TLE5: variants seen among roughly 807,000 people sequenced by gnomAD.
TLE5 encodes the protein TLE family member 5.
In TLE5, 7 loss-of-function variants were observed where a neutral mutation model predicts 25.8. The ratio of observed to expected loss-of-function variants is 0.27; its 90% CI spans 0.15 to 0.51. The LOEUF (loss-of-function observed/expected upper bound fraction) is 0.51. TLE5 is among the 20% of genes least tolerant of loss of function. The probability of loss-of-function intolerance (pLI) is 0.97; values close to 1 mark genes in which losing one functional copy is unlikely to be tolerated. For missense variants in TLE5, 149 were observed against 250.7 expected (o/e 0.59, Z 2.74); for synonymous variants, 132 against 110.5 (o/e 1.20, Z -1.22).
chr19:3,053,636 G>A lies in TLE5; in HGVS notation c.*183C>T. On this transcript the variant is annotated 3_prime_UTR_variant, in exon 7 of 7. Transcript: ENST00000327141. Reference sequence around the variant, plus strand: ...GGAGGAGGAGGGAAGCCGGGAATGGGGTAGGAAGAAAGCTAGAGGTGGCCT... The same window carrying A: ...GGAGGAGGAGGGAAGCCGGGAATGGAGTAGGAAGAAAGCTAGAGGTGGCCT... The A allele has an allele frequency of 3.1e-6, 2 of 645,094 alleles. No individual in the cohort carries two copies. The highest frequency in any genetic ancestry group is 5.3e-6 in the Non-Finnish European group (2 of 377,622). 40.0% of individuals were successfully genotyped at this position (645,094 alleles called of 1,614,324 possible). A position where few individuals can be genotyped will look rare whatever the true frequency, so the allele number is the denominator to read the frequency against.
chr19:3,057,778 G>A, intron 2 of TLE5, 36 bp from the exon 3 acceptor site: 1 of 1,601,990 alleles, frequency 6.2e-7, no homozygotes, highest in South Asian at 1.1e-5. Context: ...GGTGGTTAGT[G>A]GCGGCTGGGC....
intron 1 of TLE5, 62 bp from the exon 2 acceptor site, chr19:3,061,319 G>A (rs1286855820): frequency 3.7e-6 from 5 of 1,342,008 alleles, no homozygotes; most frequent in Non-Finnish European, 5.3e-6. Context: ...TCAAGGGCCG[G>A]CTAGGAGGGA....
At chr19:3,055,764 G>A (rs758063896) in intron 4 of TLE5, 38 bp from the exon 5 acceptor site, 9 of 1,568,296 alleles carry the variant, frequency 5.7e-6, no homozygotes, top group Middle Eastern at 1.7e-4. Context: ...AGTCCTGGGC[G>A]GGTGGCAGGT....
rs2090188059 is a variant in TLE5 at position 3,053,131 on chromosome 19, AT to A, written c.*687del. On this transcript the variant is annotated 3_prime_UTR_variant, in exon 7 of 7. Coordinates refer to ENST00000327141, the MANE Select transcript of TLE5 (RefSeq NM_001130.6). ...GCTAGTATACTGGAAAAAGAAAAAA[AT>A]AATAATAAAATAAAAACCAAGACAA... 1 of 151,962 alleles carries A rather than the reference AT, an allele frequency of 6.6e-6. No homozygotes were observed. Among genetic ancestry groups the A allele is most frequent in the Non-Finnish European group, 1.5e-5 (1 of 68,006 alleles). The allele number at this position is 151,962 out of a possible 1,614,324, so 9.4% of individuals were successfully genotyped here.
intron 2 of TLE5, among the ~76,000 whole-genome samples, chr19:3,060,413 A>G (rs933610258): frequency 4.2e-5 from 6 of 142,928 alleles, no homozygotes; most frequent in African/African-American, 1.6e-4. Flanking sequence ...GCTCACTGCA[A>G]CCTCCGCCTC....
chr19:3,056,330 G>T lies in TLE5; in HGVS notation c.216C>A (p.Asn72Lys). 2 of 1,478,024 alleles carry T rather than the reference G, an allele frequency of 1.4e-6. No individual in the cohort carries two copies. Among genetic ancestry groups the T allele is most frequent in the African/African-American group, 1.5e-5 (1 of 68,380 alleles). The allele number at this position is 1,478,024 out of a possible 1,614,324, so 91.6% of individuals were successfully genotyped here. Residue 72 changes from asparagine (N) to lysine (K), a missense_variant, in exon 4 of 7, where the codon AAC becomes AAA. Coordinates refer to ENST00000327141, the MANE Select transcript of TLE5 (RefSeq NM_001130.6). The part of the protein sequence containing the change: ...VMYYEMSYGL[N>K]IEMHKQAEIV... ...GGCGTACCTGTTTGTGCATCTCGATGTTCAAGCCGTAGGACATCTCGTAGT... is the reference window on the plus strand; with the variant it reads ...GGCGTACCTGTTTGTGCATCTCGATTTTCAAGCCGTAGGACATCTCGTAGT...
chr19:3,060,978 G>A (rs2090261381), intron 2 of TLE5, 182 bp downstream of exon 2: 2 of 479,702 alleles, frequency 4.2e-6, no homozygotes, highest in East Asian at 3.4e-5. Flanking sequence ...TTGTGCCTCG[G>A]TTTTCTCCTC....
At chr19:3,056,699 T>C (rs779010840) in intron 3 of TLE5, 2 of 464,410 alleles carry the variant, frequency 4.3e-6, no homozygotes, top group Non-Finnish European at 8.3e-6. Flanking sequence ...TCTTTCTATG[T>C]CTTGTCTGCG....
intron 5 of TLE5, chr19:3,054,562 C>A: frequency 6.1e-6 from 2 of 328,982 alleles, no homozygotes; most frequent in Non-Finnish European, 1.2e-5. Flanking sequence ...GTGCAGTACA[C>A]AACCTGCCCA....
chr19:3,056,510 G>T, intron 3 of TLE5, 154 bp from the exon 4 acceptor site: 1 of 601,378 alleles, frequency 1.7e-6, no homozygotes. Flanking sequence ...GCAGGTGGGA[G>T]GGAAAGAGGA....
At chr19:3,058,213 A>G (rs368518985) in intron 2 of TLE5, among the ~76,000 whole-genome samples, 9 of 152,152 alleles carry the variant, frequency 5.9e-5, no homozygotes, top group East Asian at 1.9e-4. Context: ...TAGTAACATT[A>G]TAGGAACAAC....
In TLE5 at chr19:3,053,472, A is replaced by G. The variant is rs1831298962; in HGVS notation, c.*347T>C. ...GGCCCAGGCAGACTGTCGGTTACACATGTTCAAAACGGGGGAAGGGCCGGG... is the reference window on the plus strand; with the variant it reads ...GGCCCAGGCAGACTGTCGGTTACACGTGTTCAAAACGGGGGAAGGGCCGGG... On this transcript the variant is annotated 3_prime_UTR_variant, in exon 7 of 7. Coordinates refer to ENST00000327141, the MANE Select transcript of TLE5 (RefSeq NM_001130.6). The G allele has an allele frequency of 1.5e-5, 5 of 342,442 alleles. No homozygotes were observed. Among genetic ancestry groups the G allele is most frequent in the Non-Finnish European group, 2.7e-5 (5 of 184,228 alleles). The allele number at this position is 342,442 out of a possible 1,614,324, so 21.2% of individuals were successfully genotyped here. A position where few individuals can be genotyped will look rare whatever the true frequency, so the allele number is the denominator to read the frequency against.
At chr19:3,057,565 G>C (rs148382760) in intron 3 of TLE5, 114 bp downstream of exon 3, 1 of 1,008,864 alleles carries the variant, frequency 9.9e-7, no homozygotes, top group Non-Finnish European at 1.5e-6. Flanking sequence ...CCCGATCCTC[G>C]CGCTTCCCAG....
chr19:3,060,328 C>CTTTTTTTTTTTTTTTTTTTTT lies in TLE5; in HGVS notation c.125+811_125+831dup, dbSNP rs990199468. ...TGGGCTTAAGTTTCTTTTTTTCTTTCTTTTTTTTTTTTTTTTTTTTTTTTG... is the reference window on the plus strand; with the variant it reads ...TGGGCTTAAGTTTCTTTTTTTCTTTCTTTTTTTTTTTTTTTTTTTTTTTTTTTTTTTTTTTTTTTTTTTTTG... On this transcript the variant is annotated intron_variant, in intron 2 of 6. Coordinates refer to ENST00000327141, the MANE Select transcript of TLE5 (RefSeq NM_001130.6). Among the ~76,000 whole-genome samples, 8 of 93,216 alleles carry CTTTTTTTTTTTTTTTTTTTTT rather than the reference C, an allele frequency of 8.6e-5. 1 individual carries two copies. Among genetic ancestry groups the CTTTTTTTTTTTTTTTTTTTTT allele is most frequent in the African/African-American group, 3.0e-4 (7 of 22,970 alleles). The allele number at this position is 93,216 out of a possible 152,430, so 61.2% of individuals were successfully genotyped here.
At chr19:3,058,962 C>T (rs2090242540) in intron 2 of TLE5, among the ~76,000 whole-genome samples, 1 of 152,196 alleles carries the variant, frequency 6.6e-6, no homozygotes, top group Admixed American at 6.5e-5. Flanking sequence ...TTCATTTCCT[C>T]CTCTGTGAGG....
intron 5 of TLE5, chr19:3,055,252 G>A (rs1357222567): frequency 1.9e-5 from 3 of 158,898 alleles, no homozygotes; most frequent in Non-Finnish European, 4.1e-5. Flanking sequence ...ACCACCCTGT[G>A]CTACCCCTTC....
rs4617974 is a variant in TLE5 at position 3,060,332 on chromosome 19, T to C, written c.125+828A>G. ...CTTAAGTTTCTTTTTTTCTTTCTTT[T>C]TTTTTTTTTTTTTTTTTTTTGAGAC... is the stretch of plus-strand genomic sequence containing the variant. On this transcript the variant is annotated intron_variant, in intron 2 of 6. Coordinates refer to ENST00000327141, the MANE Select transcript of TLE5 (RefSeq NM_001130.6). Among the ~76,000 whole-genome samples, 178 of 100,424 alleles carry C rather than the reference T, an allele frequency of 1.8e-3. 1 individual carries two copies. Among genetic ancestry groups the C allele is most frequent in the South Asian group, 4.9e-3 (12 of 2,428 alleles). The allele number at this position is 100,424 out of a possible 152,430, so 65.9% of individuals were successfully genotyped here.
At position 3,058,941 on chromosome 19, in the gene TLE5, C is replaced by T. The variant is rs139617177; in HGVS notation, c.126-1199G>A. Reference sequence around the variant, plus strand: ...GTGTGACTCTAGGCAAACTCCACTACCTCTCTGGGCTTCATTTCCTCCTCT... The same window carrying T: ...GTGTGACTCTAGGCAAACTCCACTATCTCTCTGGGCTTCATTTCCTCCTCT... On this transcript the variant is annotated intron_variant, in intron 2 of 6. Transcript: ENST00000327141. Among the ~76,000 whole-genome samples the T allele has an allele frequency of 3.1e-4, 47 of 152,338 alleles. No homozygotes were observed. The East Asian group carries it at 8.7e-3, about 28-fold the overall frequency.
chr19:3,056,382 CG>C, intron 3 of TLE5, 26 bp from the exon 4 acceptor site: 1 of 665,768 alleles, frequency 1.5e-6, no homozygotes, highest in Non-Finnish European at 2.1e-6. Flanking sequence ...AGAGGGGGAG[CG>C]GGAGATGGGG....
Sources: gnomAD v4.1 joint callset for allele counts (sites outside exome capture counted in the v4.1 genomes callset) on GRCh38, gnomAD v4.1.1 for gene constraint, MANE v1.5 for transcripts, NCBI Gene and HGNC (gene_info 2026-07-23, HGNC 2026-07-21) for gene names.